Variants in GLIS1 observed in about 807,000 individuals in gnomAD.
GLIS1 encodes the protein GLIS family zinc finger 1.
GLIS1 carries 24 observed loss-of-function variants against 63.8 expected under a neutral mutation model. The ratio of observed to expected loss-of-function variants is 0.38; its 90% CI spans 0.27 to 0.53. The LOEUF is 0.53. Among genes scored for constraint, GLIS1 ranks in the 20% least tolerant of loss-of-function variants. GLIS1 has a pLI of 0.85. For missense variants in GLIS1, 1,036 were observed against 1,074.1 expected, an observed-to-expected ratio of 0.96 and a Z score of 0.50; for synonymous variants, 450 against 482.5, an observed-to-expected ratio of 0.93 and a Z score of 0.88.
chr1:53,581,593 G>C (rs1342735276), intron 4 of GLIS1, among the ~76,000 whole-genome samples: 1 of 152,182 alleles, frequency 6.6e-6, no homozygotes, highest in African/African-American at 2.4e-5. Context: ...CAGGATTTCA[G>C]GTGGAATATA....
intron 4 of GLIS1, among the ~76,000 whole-genome samples, chr1:53,543,862 A>C (rs968361014): frequency 2.6e-5 from 4 of 152,010 alleles, no homozygotes; most frequent in Admixed American, 6.5e-5. Flanking sequence ...CTTCCCTCTT[A>C]TTGGGCAAGG....
chr1:53,637,481 A>G (rs1025954576), intron 2 of GLIS1, among the ~76,000 whole-genome samples: 29 of 152,270 alleles, frequency 1.9e-4, no homozygotes, highest in African/African-American at 7.0e-4. Context: ...ACATGAATGC[A>G]CTGATAAGAT....
intron 2 of GLIS1, among the ~76,000 whole-genome samples, chr1:53,604,953 TATACAC>T (rs776480934): frequency 7.3e-4 from 50 of 68,100 alleles, no homozygotes; most frequent in Admixed American, 1.4e-3. Flanking sequence ...CATATATATA[TATACAC>T]ACACACACAC....
intron 2 of GLIS1, among the ~76,000 whole-genome samples, chr1:53,688,499 G>A (rs991368459): frequency 3.9e-5 from 6 of 152,202 alleles, no homozygotes; most frequent in Middle Eastern, 3.4e-3. Flanking sequence ...CTTAGTGCCC[G>A]GGCCAAATGC....
At chr1:53,618,762 C>T (rs1183825920) in intron 2 of GLIS1, among the ~76,000 whole-genome samples, 1 of 152,228 alleles carries the variant, frequency 6.6e-6, no homozygotes, top group African/African-American at 2.4e-5. Flanking sequence ...TGAGACCATA[C>T]TTTACCTCCA....
chr1:53,552,112 G>A (rs144263305), intron 4 of GLIS1, among the ~76,000 whole-genome samples: 2 of 152,000 alleles, frequency 1.3e-5, no homozygotes, highest in Non-Finnish European at 2.9e-5. Flanking sequence ...CACCCCCAAA[G>A]CTTAACACAT....
chr1:53,578,395 T>G (rs1314763252), intron 4 of GLIS1, among the ~76,000 whole-genome samples: 1 of 152,184 alleles, frequency 6.6e-6, no homozygotes, highest in Non-Finnish European at 1.5e-5. Context: ...AATAGTAGCA[T>G]AGTTATTTGT....
At chr1:53,667,494 G>C (rs977277020) in intron 2 of GLIS1, among the ~76,000 whole-genome samples, 2 of 152,174 alleles carry the variant, frequency 1.3e-5, no homozygotes, top group African/African-American at 4.8e-5. Flanking sequence ...ACTCTAGCCC[G>C]GCCCTTCCTT....
intron 4 of GLIS1, among the ~76,000 whole-genome samples, chr1:53,592,541 C>T (rs1172198847): frequency 6.6e-6 from 1 of 152,210 alleles, no homozygotes; most frequent in African/African-American, 2.4e-5. Flanking sequence ...CTCCCAGCAG[C>T]CCTGGCCTGG....
At chr1:53,529,205 G>C (rs1379232691) in intron 5 of GLIS1, among the ~76,000 whole-genome samples, 2 of 152,338 alleles carry the variant, frequency 1.3e-5, no homozygotes, top group East Asian at 3.9e-4. Flanking sequence ...GCAAACAAGG[G>C]AAGGAAGGTG....
At chr1:53,545,194 C>T (rs1045956664) in intron 4 of GLIS1, among the ~76,000 whole-genome samples, 2 of 152,162 alleles carry the variant, frequency 1.3e-5, no homozygotes, top group Admixed American at 1.3e-4. Flanking sequence ...AGAGTATCAC[C>T]CCTCCCAGGG....
intron 2 of GLIS1, among the ~76,000 whole-genome samples, chr1:53,615,689 T>C (rs1324421558): frequency 6.6e-6 from 1 of 152,202 alleles, no homozygotes; most frequent in Non-Finnish European, 1.5e-5. Context: ...TATAATTCCA[T>C]GAATCTCTCA....
intron 2 of GLIS1, among the ~76,000 whole-genome samples, chr1:53,650,343 A>G (rs1645892014): frequency 6.6e-6 from 1 of 152,170 alleles, no homozygotes; most frequent in Admixed American, 6.5e-5. Flanking sequence ...TAATCAAAGC[A>G]CTTTGGGAGG....
intron 2 of GLIS1, among the ~76,000 whole-genome samples, chr1:53,612,333 G>C (rs113718309): frequency 1.3e-5 from 2 of 150,982 alleles, no homozygotes; most frequent in East Asian, 4.0e-4. Flanking sequence ...TCCGCCTCCC[G>C]GGTTCACACC....
chr1:53,734,987 C>T (rs1198185223), intron 2 of GLIS1, among the ~76,000 whole-genome samples: 1 of 152,048 alleles, frequency 6.6e-6, no homozygotes, highest in African/African-American at 2.4e-5. Flanking sequence ...ATCACACCAT[C>T]CCAGTGCCTC....
chr1:53,514,536 G>A, intron 8 of GLIS1, 89 bp downstream of exon 8: 1 of 1,322,314 alleles, frequency 7.6e-7, no homozygotes, highest in Admixed American at 2.0e-5. Context: ...GTAACAAGCA[G>A]ATAGATAGTG....
rs547081797 is a variant in GLIS1, at chr1:53,560,453, C to T, written c.1321-30501G>A. On this transcript the variant is annotated intron_variant, in intron 4 of 10. Coordinates refer to ENST00000628545, the MANE Select transcript of GLIS1 (RefSeq NM_001367484.1). This position sits in a 1 kb window ranked among gnomAD's most constrained non-coding sequence, Gnocchi z 4.4. ...CCACTGGCAGACGGACAGTTCCGGT[C>T]GGGAGATATCTGGTCCACACACGGA... is the stretch of plus-strand genomic sequence containing the variant. Among the ~76,000 whole-genome samples, 9 of 152,312 alleles carry T rather than the reference C, an allele frequency of 5.9e-5. No individual in the cohort carries two copies. Among genetic ancestry groups the T allele is most frequent in the South Asian group, 2.1e-4 (1 of 4,826 alleles).
chr1:53,514,881 A>G, intron 7 of GLIS1, 100 bp from the exon 8 acceptor site: 1 of 1,365,254 alleles, frequency 7.3e-7, no homozygotes, highest in South Asian at 1.5e-5. Context: ...AGAAATAAAG[A>G]CAAGAGGGAA....
At chr1:53,695,198 T>C (rs1441915806) in intron 2 of GLIS1, among the ~76,000 whole-genome samples, 1 of 152,254 alleles carries the variant, frequency 6.6e-6, no homozygotes, top group Admixed American at 6.5e-5. Context: ...TGCTCTGGAC[T>C]GTGCGGCCCA....
Sources: gnomAD v4.1 joint callset for allele counts (sites outside exome capture counted in the v4.1 genomes callset) on GRCh38, gnomAD v4.1.1 for gene constraint, Gnocchi (gnomAD v3.1) non-coding constraint, MANE v1.5 for transcripts, NCBI Gene and HGNC (gene_info 2026-07-23, HGNC 2026-07-21) for gene names.